Variants in CYLD observed in about 807,000 individuals in gnomAD.
CYLD encodes ubiquitin carboxyl-terminal hydrolase CYLD.
CYLD carries 26 observed loss-of-function variants against 104.5 expected under a neutral mutation model. The ratio of observed to expected loss-of-function variants is 0.25; its 90% CI spans 0.18 to 0.35. The LOEUF (loss-of-function observed/expected upper bound fraction) is 0.35. Ranked by LOEUF, CYLD falls within the 10% of genes least tolerant of loss-of-function variation. CYLD has a pLI of 1.00. For missense variants in CYLD, 703 were observed against 1,136.1 expected (o/e 0.62, Z 5.48); for synonymous variants, 385 against 399.9 (o/e 0.96, Z 0.45).
In CYLD at chr16:50,801,109, G is replaced by C. The variant is rs1057229052; in HGVS notation, c.*4601G>C. The C allele has an allele frequency of 3.0e-5, 7 of 233,378 alleles. No homozygotes were observed. The highest frequency in any genetic ancestry group is 5.1e-5 in the Non-Finnish European group (6 of 118,088). 14.5% of individuals were successfully genotyped at this position (233,378 alleles called of 1,614,324 possible). ...GTTCCCCTTCAGACCTTTCTGGGGA[G>C]AAGAGGTGGGAGGAGGGGAGAAAGA... On this transcript the variant is annotated 3_prime_UTR_variant, in exon 19 of 19. Transcript: ENST00000427738.
At position 50,798,859 on chromosome 16, in the gene CYLD, G is replaced by T. The variant is rs1972262271; in HGVS notation, c.*2351G>T. 4.3e-6 allele frequency: 1 copy of T among 233,318 alleles called. No individual in the cohort carries two copies. 14.5% of individuals were successfully genotyped at this position (233,318 alleles called of 1,614,324 possible). ...TTGACGTCTTTTTAATGTTACTTGG[G>T]GAGGGAGTGCTCATTAAGGGATGCC... On this transcript the variant is annotated 3_prime_UTR_variant, in exon 19 of 19. Coordinates refer to ENST00000427738, the MANE Select transcript of CYLD (RefSeq NM_001378743.1).
chr16:50,801,562 A>G lies in CYLD; in HGVS notation c.*5054A>G, dbSNP rs553128470. 9.0e-5 allele frequency: 21 copies of G among 233,786 alleles called. No homozygotes were observed. Among genetic ancestry groups the G allele is most frequent in the Non-Finnish European group, 1.4e-4 (17 of 118,002 alleles). 14.5% of individuals were successfully genotyped at this position (233,786 alleles called of 1,614,324 possible). ...GTTTTAGTTTATAAAATGGCCTAGT[A>G]CTGTGGAATTTTAATTTTAGAAAGT... On this transcript the variant is annotated 3_prime_UTR_variant, in exon 19 of 19. Transcript: ENST00000427738.
intron 5 of CYLD, among the ~76,000 whole-genome samples, chr16:50,755,120 TGTGTATATATACACAC>T (rs1408316054): frequency 8.3e-5 from 3 of 36,158 alleles, no homozygotes; most frequent in Non-Finnish European, 1.8e-4. Context: ...CATATACACA[TGTGTATATATACACAC>T]GTGTACATAT....
chr16:50,790,304 T>C (rs1328753607), intron 14 of CYLD, among the ~76,000 whole-genome samples: 6 of 152,178 alleles, frequency 3.9e-5, no homozygotes, highest in Non-Finnish European at 7.3e-5. Context: ...TAGTAAATTG[T>C]CTTCTCCATC....
chr16:50,791,053 C>G (rs1369384137), intron 14 of CYLD, among the ~76,000 whole-genome samples: 1 of 152,164 alleles, frequency 6.6e-6, no homozygotes, highest in Non-Finnish European at 1.5e-5. Flanking sequence ...ATTCTTTACC[C>G]AGCTCTGCTT....
Position 50,793,652 on chromosome 16 carries a change from C to G in CYLD, c.2457C>G (p.Thr819=), listed in dbSNP as rs1971654146. Reference sequence around the variant, plus strand: ...GAAAAATCAAGCAGTTTTGTAAAACCTGCAACACTCAAGTGAGCTTCCCTT... The same window carrying G: ...GAAAAATCAAGCAGTTTTGTAAAACGTGCAACACTCAAGTGAGCTTCCCTT... ...SAGKIKQFCK[T]CNTQVHLHPK... The change falls in exon 17 of 19, where the codon ACC becomes ACG. Residue 819 remains threonine, a synonymous_variant. Coordinates refer to ENST00000427738, the MANE Select transcript of CYLD (RefSeq NM_001378743.1). 1.9e-6 allele frequency: 3 copies of G among 1,608,084 alleles called. No individual in the cohort carries two copies. The highest frequency in any genetic ancestry group is 2.6e-6 in the Non-Finnish European group (3 of 1,174,522).
chr16:50,755,161 ACGTGTACATATG>A (rs879312585), intron 5 of CYLD, among the ~76,000 whole-genome samples: 64,963 of 140,500 alleles, frequency 0.46, 19,230 homozygotes, highest in African/African-American at 0.59. Context: ...GTATATACAC[ACGTGTACATATG>A]TGTGTGTATA....
intron 5 of CYLD, among the ~76,000 whole-genome samples, chr16:50,768,242 T>C (rs1968734707): frequency 6.6e-6 from 1 of 152,176 alleles, no homozygotes; most frequent in Admixed American, 6.6e-5. Context: ...AAATAAAGCT[T>C]GCAAATAGAC....
intron 5 of CYLD, among the ~76,000 whole-genome samples, chr16:50,765,091 C>T (rs1204263496): frequency 6.6e-6 from 1 of 152,154 alleles, no homozygotes; most frequent in Admixed American, 6.5e-5. Flanking sequence ...AAATCAAATA[C>T]AGGCATACCT....
chr16:50,753,471 G>C (rs1191642991), intron 4 of CYLD, among the ~76,000 whole-genome samples: 2 of 152,210 alleles, frequency 1.3e-5, no homozygotes, highest in Non-Finnish European at 2.9e-5. Context: ...CCTGAGGCAA[G>C]CTGCCTAGAG....
intron 3 of CYLD, 103 bp downstream of exon 3, chr16:50,750,305 T>C (rs1019885193): frequency 1.3e-5 from 18 of 1,355,898 alleles, no homozygotes; most frequent in Admixed American, 8.4e-5. Context: ...CGAAATAAAT[T>C]TTCCCAAGAG....
At chr16:50,752,714 C>T (rs949043189) in intron 4 of CYLD, among the ~76,000 whole-genome samples, 3 of 152,178 alleles carry the variant, frequency 2.0e-5, no homozygotes, top group Non-Finnish European at 4.4e-5. Context: ...CTTCTGATTT[C>T]TCTGTCTGAA....
chr16:50,775,490 A>G (rs758094250), intron 6 of CYLD, among the ~76,000 whole-genome samples: 15 of 152,312 alleles, frequency 9.8e-5, no homozygotes, highest in Non-Finnish European at 2.2e-4. Flanking sequence ...GTGTTTGTAT[A>G]CACATCTGTG....
Position 50,769,547 on chromosome 16 carries a change from A to G in CYLD, c.914-5619A>G, listed in dbSNP as rs112591415. Among the ~76,000 whole-genome samples the G allele has an allele frequency of 3.3e-3, 497 of 152,302 alleles. 2 individuals carry two copies. The highest frequency in any genetic ancestry group is 0.011 in the African/African-American group (468 of 41,570). On this transcript the variant is annotated intron_variant, in intron 5 of 18. Transcript: ENST00000427738. The stretch of plus-strand genomic sequence containing the variant: ...TATGATTGGGTTTTGAGAGTTATTT[A>G]TAAATTTTGAATACAAACCCTTTTG...
At chr16:50,742,609 A>G (rs1314159496) in intron 1 of CYLD, 153 bp from the exon 2 acceptor site, 19 of 255,720 alleles carry the variant, frequency 7.4e-5, no homozygotes, top group Non-Finnish European at 1.3e-4. Flanking sequence ...CCCGACGGCC[A>G]CGGTTGGCCT....
chr16:50,764,679 A>C (rs533268931), intron 5 of CYLD, among the ~76,000 whole-genome samples: 1 of 152,270 alleles, frequency 6.6e-6, no homozygotes, highest in South Asian at 2.1e-4. Flanking sequence ...TTTTAGGTCT[A>C]AGCCCGTAGT....
At chr16:50,766,625 A>G (rs971599787) in intron 5 of CYLD, among the ~76,000 whole-genome samples, 1 of 152,234 alleles carries the variant, frequency 6.6e-6, no homozygotes, top group Non-Finnish European at 1.5e-5. Context: ...ACCATTCTAG[A>G]TGCCATCAAG....
intron 3 of CYLD, among the ~76,000 whole-genome samples, chr16:50,750,433 G>A (rs559650726): frequency 9.9e-5 from 15 of 152,258 alleles, no homozygotes; most frequent in African/African-American, 3.1e-4. Context: ...TCACCTTGGC[G>A]TTTATTTCTG....
chr16:50,798,535 G>C lies in CYLD; in HGVS notation c.*2027G>C, dbSNP rs1051054586. 8.6e-6 allele frequency: 2 copies of C among 231,822 alleles called. No individual in the cohort carries two copies. The highest frequency in any genetic ancestry group is 1.7e-5 in the Non-Finnish European group (2 of 117,460). The allele number at this position is 231,822 out of a possible 1,614,324, so 14.4% of individuals were successfully genotyped here. On this transcript the variant is annotated 3_prime_UTR_variant, in exon 19 of 19. Coordinates refer to ENST00000427738, the MANE Select transcript of CYLD (RefSeq NM_001378743.1). ...GGGAATTGAGCATCTTCAGATGTTG[G>C]TATCTGCAGGGATCCTGGAACCAAA...
Sources: gnomAD v4.1 joint callset for allele counts (sites outside exome capture counted in the v4.1 genomes callset) on GRCh38, gnomAD v4.1.1 for gene constraint, MANE v1.5 for transcripts, NCBI Gene and HGNC (gene_info 2026-07-23, HGNC 2026-07-21) for gene names.